The following COL26A1 variants were observed in gnomAD, a reference collection of about 807,000 sequenced individuals.
The protein encoded by COL26A1 is collagen alpha-1(XXVI) chain.
In COL26A1, 41 loss-of-function variants were observed where a neutral mutation model predicts 59.3. The observed-to-expected ratio is 0.69, with a 90% CI of 0.54 to 0.90. The LOEUF (loss-of-function observed/expected upper bound fraction) is 0.90. COL26A1 is among the 40% of genes least tolerant of loss of function. The pLI, the probability that COL26A1 is intolerant of heterozygous loss-of-function variation, is 0.00. For missense variants in COL26A1, 612 were observed against 602.3 expected (o/e 1.02, Z -0.17); for synonymous variants, 266 against 256.0 (o/e 1.04, Z -0.37).
intron 3 of COL26A1, among the ~76,000 whole-genome samples, chr7:101,462,217 C>G (rs1397988541): frequency 6.6e-6 from 1 of 152,110 alleles, no homozygotes; most frequent in Non-Finnish European, 1.5e-5. Flanking sequence ...CCTGGCTGGT[C>G]TCACACCCCT....
chr7:101,544,452 C>T (rs1035862013), intron 6 of COL26A1, among the ~76,000 whole-genome samples: 1 of 151,852 alleles, frequency 6.6e-6, no homozygotes, highest in Non-Finnish European at 1.5e-5. Context: ...GTCTCGAACT[C>T]CTGACCTCAG....
At chr7:101,390,512 A>G (rs1418685075) in intron 1 of COL26A1, among the ~76,000 whole-genome samples, 1 of 152,048 alleles carries the variant, frequency 6.6e-6, no homozygotes, top group African/African-American at 2.4e-5. Flanking sequence ...TGCAGCCTCA[A>G]ACTCCTGGGC....
chr7:101,363,700 T>C (rs1277812423), intron 1 of COL26A1, among the ~76,000 whole-genome samples: 1 of 151,670 alleles, frequency 6.6e-6, no homozygotes, highest in Non-Finnish European at 1.5e-5. Context: ...CCCTGTCCCT[T>C]CCTTTCTTCG....
chr7:101,547,228 C>T lies in COL26A1; in HGVS notation c.929C>T (p.Pro310Leu), dbSNP rs914354708. Residue 310 changes from proline (P) to leucine (L), a missense_variant, in exon 8 of 13, where the codon CCT (proline) becomes CTT (leucine). Coordinates refer to ENST00000313669, the MANE Select transcript of COL26A1 (RefSeq NM_001278563.3). Reference sequence around the variant, plus strand: ...GGTGTCCCAGGACCCCGGGGTCCCCCTGGTCCACCAGGTAAGTGAATGGTG... The same window carrying T: ...GGTGTCCCAGGACCCCGGGGTCCCCTTGGTCCACCAGGTAAGTGAATGGTG... ...LAGVPGPRGP[P>L]GPPGPPGPRG... 2 of 1,580,602 alleles carry T rather than the reference C, an allele frequency of 1.3e-6. No individual in the cohort carries two copies. Among genetic ancestry groups the T allele is most frequent in the African/African-American group, 2.7e-5 (2 of 74,000 alleles).
rs997831408 is a variant in COL26A1, at chr7:101,363,819, G to A, written c.158+629G>A. Among the ~76,000 whole-genome samples, 7 of 152,298 alleles carry A rather than the reference G, an allele frequency of 4.6e-5. No individual in the cohort carries two copies. The East Asian group carries it at 1.4e-3, about 30-fold the overall frequency. ...GGCGTTCGGCCGCTCACGTGGCTCT[G>A]CCGCTCACCTGCGCGGCTGCGGCTT... On this transcript the variant is annotated intron_variant, in intron 1 of 12. Coordinates refer to ENST00000313669, the MANE Select transcript of COL26A1 (RefSeq NM_001278563.3).
chr7:101,536,770 G>T (rs1232353828), intron 4 of COL26A1, among the ~76,000 whole-genome samples: 1 of 152,246 alleles, frequency 6.6e-6, no homozygotes, highest in Non-Finnish European at 1.5e-5. Flanking sequence ...AGGAGCAGAG[G>T]TGGTCTCGGG....
intron 3 of COL26A1, among the ~76,000 whole-genome samples, chr7:101,505,722 T>G (rs1794801180): frequency 6.6e-6 from 1 of 152,208 alleles, no homozygotes; most frequent in African/African-American, 2.4e-5. Context: ...CCACCCAGAT[T>G]GAGGGGGGTG....
intron 2 of COL26A1, among the ~76,000 whole-genome samples, chr7:101,439,566 AAG>A (rs1491095918): frequency 6.6e-6 from 1 of 150,988 alleles, no homozygotes; most frequent in African/African-American, 2.4e-5. Context: ...AAAAAAAAAA[AAG>A]AGGTAAGGAA....
chr7:101,482,447 C>T (rs1794177018), intron 3 of COL26A1, among the ~76,000 whole-genome samples: 1 of 152,242 alleles, frequency 6.6e-6, no homozygotes, highest in East Asian at 1.9e-4. Flanking sequence ...GGCAGAAAGG[C>T]AATAAAATGA....
At chr7:101,397,219 T>C (rs924503744) in intron 1 of COL26A1, among the ~76,000 whole-genome samples, 2 of 152,168 alleles carry the variant, frequency 1.3e-5, no homozygotes, top group Non-Finnish European at 2.9e-5. Context: ...ATTCTTTGTG[T>C]TGTCTGTGTC....
At chr7:101,428,926 C>CTT (rs530948608) in intron 2 of COL26A1, among the ~76,000 whole-genome samples, 23,419 of 142,632 alleles carry the variant, frequency 0.16, 2,404 homozygotes, top group Non-Finnish European at 0.23. Context: ...TTCTTTCTTT[C>CTT]TTTTTTTTTT....
At chr7:101,442,703 G>A (rs771848124) in intron 2 of COL26A1, among the ~76,000 whole-genome samples, 16 of 152,130 alleles carry the variant, frequency 1.1e-4, no homozygotes, top group Admixed American at 4.6e-4. Context: ...GTATGTGAGC[G>A]TGTTTAGTGT....
chr7:101,445,756 A>G (rs1175949696), intron 2 of COL26A1, among the ~76,000 whole-genome samples: 2 of 117,574 alleles, frequency 1.7e-5, no homozygotes, highest in Non-Finnish European at 3.6e-5. Context: ...AAAAAAAAAG[A>G]GAGTGAGGGG....
rs572096001 is a variant in COL26A1 at position 101,551,843 on chromosome 7, CG to C, written c.1029+704del. Among the ~76,000 whole-genome samples the C allele has an allele frequency of 1.6e-4, 24 of 152,146 alleles. No individual in the cohort carries two copies. In the South Asian group the frequency reaches 5.0e-3, roughly 32 times the overall value. On this transcript the variant is annotated intron_variant, in intron 10 of 12. Coordinates refer to ENST00000313669, the MANE Select transcript of COL26A1 (RefSeq NM_001278563.3). Reference sequence around the variant, plus strand: ...CAAGCCTCACTGTAGGGGTGTGGGGCGGGGAGGAGGAGTGGAGCTTTGCTGA... The same window carrying C: ...CAAGCCTCACTGTAGGGGTGTGGGGCGGGAGGAGGAGTGGAGCTTTGCTGA...
chr7:101,386,033 A>G (rs1469590712), intron 1 of COL26A1, among the ~76,000 whole-genome samples: 1 of 152,134 alleles, frequency 6.6e-6, no homozygotes, highest in Non-Finnish European at 1.5e-5. Flanking sequence ...TGTTGGTTAT[A>G]CCTCAGAGAA....
At chr7:101,480,279 C>T (rs1170606199) in intron 3 of COL26A1, among the ~76,000 whole-genome samples, 1 of 152,056 alleles carries the variant, frequency 6.6e-6, no homozygotes, top group East Asian at 1.9e-4. Flanking sequence ...TTCAGTGTGT[C>T]CAATAAGACT....
At chr7:101,401,686 C>CAGAGGA (rs1792005975) in intron 1 of COL26A1, among the ~76,000 whole-genome samples, 1 of 71,916 alleles carries the variant, frequency 1.4e-5, no homozygotes, top group African/African-American at 7.5e-5. Context: ...ATGTTGGAGG[C>CAGAGGA]TGAGGAGGAG....
intron 1 of COL26A1, among the ~76,000 whole-genome samples, chr7:101,394,482 C>T (rs1181665219): frequency 6.6e-6 from 1 of 152,094 alleles, no homozygotes; most frequent in Non-Finnish European, 1.5e-5. Context: ...TAATAGCTCA[C>T]TGCAGCCTCG....
intron 1 of COL26A1, among the ~76,000 whole-genome samples, chr7:101,397,483 CTCCTT>C (rs1356418312): frequency 6.7e-6 from 1 of 148,402 alleles, no homozygotes. Flanking sequence ...TTCCTTCCTT[CTCCTT>C]TCCTTCTCCT....
Sources: gnomAD v4.1 joint callset for allele counts (sites outside exome capture counted in the v4.1 genomes callset) on GRCh38, gnomAD v4.1.1 for gene constraint, MANE v1.5 for transcripts, NCBI Gene and HGNC (gene_info 2026-07-23, HGNC 2026-07-21) for gene names.